ALPL: variants seen among roughly 807,000 people sequenced by gnomAD.
ALPL encodes the protein alkaline phosphatase, biomineralization associated, also known as alkaline phosphatase, tissue-nonspecific isozyme.
ALPL carries 42 observed loss-of-function variants against 51.3 expected under a neutral mutation model. The observed-to-expected ratio is 0.82, with a 90% confidence interval of 0.64 to 1.06. The LOEUF (loss-of-function observed/expected upper bound fraction) is 1.06. Among genes scored for constraint, ALPL ranks in the 50% least tolerant of loss-of-function variants. ALPL has a pLI of 0.00. For missense variants in ALPL, 589 were observed against 709.4 expected (o/e 0.83, Z 1.93); for synonymous variants, 279 against 296.4 (o/e 0.94, Z 0.60).
At chr1:21,519,222 G>A (rs1643856100) in intron 1 of ALPL, among the ~76,000 whole-genome samples, 1 of 152,122 alleles carries the variant, frequency 6.6e-6, no homozygotes, top group African/African-American at 2.4e-5. Flanking sequence ...CTCTCCCTTG[G>A]GACTGAACAT....
At chr1:21,576,218 T>TGGATG (rs1553414697) in intron 10 of ALPL, among the ~76,000 whole-genome samples, 1 of 142,402 alleles carries the variant, frequency 7.0e-6, no homozygotes, top group Non-Finnish European at 1.6e-5. Flanking sequence ...GATGGATGGA[T>TGGATG]GATGGATGGA....
At position 21,576,578 on chromosome 1, in the gene ALPL, G is replaced by T; in HGVS notation, c.1246G>T (p.Gly416Cys). ...DKKPFTAILYGNGPGYKVVGG... is the reference protein window; with the variant it reads ...DKKPFTAILYCNGPGYKVVGG... ...GAAGCCCTTCACTGCCATCCTGTAT[G>T]GCAATGGGCCTGGCTACAAGGTGGT... Residue 416 changes from glycine to cysteine, a missense_variant, in exon 11 of 12, where the codon GGC (glycine) becomes TGC (cysteine). Coordinates refer to ENST00000374840, the MANE Select transcript of ALPL (RefSeq NM_000478.6). 1 of 1,613,980 alleles carries T rather than the reference G, an allele frequency of 6.2e-7. No individual in the cohort carries two copies. Among genetic ancestry groups the T allele is most frequent in the South Asian group, 1.1e-5 (1 of 91,066 alleles).
At chr1:21,516,741 C>T (rs1057428371) in intron 1 of ALPL, among the ~76,000 whole-genome samples, 1 of 152,240 alleles carries the variant, frequency 6.6e-6, no homozygotes, top group Non-Finnish European at 1.5e-5. Flanking sequence ...GTTAGCCTAT[C>T]AAGATATCAG....
At chr1:21,575,076 C>A (rs1479341516) in intron 9 of ALPL, among the ~76,000 whole-genome samples, 1 of 152,198 alleles carries the variant, frequency 6.6e-6, no homozygotes, top group South Asian at 2.1e-4. Context: ...GTTCAGGCTT[C>A]GGCAGGGCTT....
rs1644734808 is a variant in ALPL, at chr1:21,576,275, ATGGATGGATGG to A, written c.1190-246_1190-236del. ...GGATGATGGATGGATGGATGGGTGG[ATGGATGGATGG>A]GTGGATGGATGGATGGATGGGTGGA... is the stretch of plus-strand genomic sequence containing the variant. On this transcript the variant is annotated intron_variant, in intron 10 of 11. Transcript: ENST00000374840. Among the ~76,000 whole-genome samples, 4 of 147,264 alleles carry A rather than the reference ATGGATGGATGG, an allele frequency of 2.7e-5. No individual in the cohort carries two copies. The South Asian group carries it at 8.8e-4, about 32-fold the overall frequency.
intron 2 of ALPL, among the ~76,000 whole-genome samples, chr1:21,556,871 G>T (rs776514180): frequency 6.6e-6 from 1 of 152,118 alleles, no homozygotes; most frequent in Non-Finnish European, 1.5e-5. Context: ...CCCAGGAGGC[G>T]GAGGTTGCAG....
At chr1:21,514,741 A>G (rs1279050181) in intron 1 of ALPL, among the ~76,000 whole-genome samples, 1 of 152,076 alleles carries the variant, frequency 6.6e-6, no homozygotes, top group Non-Finnish European at 1.5e-5. Flanking sequence ...TGGTCCTTAC[A>G]CCTGCAGACG....
At chr1:21,509,356 G>A (rs1338256047), upstream of ALPL, 1 of 146,012 alleles carries the variant, frequency 6.8e-6, no homozygotes, top group African/African-American at 2.5e-5. The surrounding 1 kb of genome is among the most constrained non-coding windows in gnomAD (Gnocchi z 6.0). Flanking sequence ...GGGGGAGGGG[G>A]CGGGCTGCCC....
intron 1 of ALPL, among the ~76,000 whole-genome samples, chr1:21,535,725 C>G (rs1644097544): frequency 1.3e-5 from 2 of 152,138 alleles, no homozygotes; most frequent in African/African-American, 4.8e-5. Context: ...TTCTCGTTTT[C>G]TTTAGCTTTT....
chr1:21,516,145 G>A (rs545963809), intron 1 of ALPL, among the ~76,000 whole-genome samples: 1 of 152,318 alleles, frequency 6.6e-6, no homozygotes, highest in South Asian at 2.1e-4. Flanking sequence ...CTCCCAAAGT[G>A]CTGGGATTAC....
At chr1:21,566,534 G>A (rs554172055) in intron 6 of ALPL, among the ~76,000 whole-genome samples, 2 of 150,942 alleles carry the variant, frequency 1.3e-5, no homozygotes, top group Admixed American at 6.6e-5. Flanking sequence ...CAGGTGATCC[G>A]CCCGTTTTGG....
At position 21,568,112 on chromosome 1, in the gene ALPL, G is replaced by T. The variant is rs776117933; in HGVS notation, c.657G>T (p.Met219Ile). 9.3e-6 allele frequency: 15 copies of T among 1,614,000 alleles called. No homozygotes were observed. Among genetic ancestry groups the T allele is most frequent in the African/African-American group, 1.3e-5 (1 of 75,020 alleles). Residue 219 changes from methionine (M) to isoleucine (I), a missense_variant, in exon 7 of 12, where the codon ATG (methionine) becomes ATT (isoleucine). Transcript: ENST00000374840. ...MHNIRDIDVI[M>I]GGGRKYMYPK... ...GCTCCTGTCTCTTTTAGGTGATCAT[G>T]GGGGGTGGCCGGAAATACATGTACC...
chr1:21,522,810 G>T (rs1275563806), intron 1 of ALPL, among the ~76,000 whole-genome samples: 1 of 152,172 alleles, frequency 6.6e-6, no homozygotes, highest in Non-Finnish European at 1.5e-5. Context: ...GTGCTGGGGG[G>T]ACTTTAGAGA....
In ALPL at chr1:21,560,731, T is replaced by C. The variant is rs1288112235; in HGVS notation, c.167T>C (p.Met56Thr). Residue 56 changes from methionine to threonine, a missense_variant, in exon 3 of 12, where the codon ATG becomes ACG. Coordinates refer to ENST00000374840, the MANE Select transcript of ALPL (RefSeq NM_000478.6). Reference sequence around the variant, plus strand: ...ACCAACGTGGCTAAGAATGTCATCATGTTCCTGGGAGATGGTGAGGCCCAG... The same window carrying C: ...ACCAACGTGGCTAAGAATGTCATCACGTTCCTGGGAGATGGTGAGGCCCAG... ...LNTNVAKNVI[M>T]FLGDGMGVST... 4 of 1,614,150 alleles carry C rather than the reference T, an allele frequency of 2.5e-6. No individual in the cohort carries two copies. Among genetic ancestry groups the C allele is most frequent in the Non-Finnish European group, 3.4e-6 (4 of 1,180,028 alleles).
chr1:21,550,537 T>C (rs1246617043), intron 1 of ALPL, among the ~76,000 whole-genome samples: 1 of 152,204 alleles, frequency 6.6e-6, no homozygotes, highest in Non-Finnish European at 1.5e-5. Context: ...ATTGTTCATG[T>C]AAGCTCCCAA....
chr1:21,555,136 G>A (rs1456638986), intron 2 of ALPL, among the ~76,000 whole-genome samples: 2 of 151,360 alleles, frequency 1.3e-5, no homozygotes, highest in African/African-American at 4.9e-5. Context: ...AGTCAAAGGG[G>A]GGTTCTCTGG....
intron 8 of ALPL, 35 bp from the exon 9 acceptor site, chr1:21,573,628 CCT>C (rs759917211): frequency 6.2e-7 from 1 of 1,611,310 alleles, no homozygotes; most frequent in Non-Finnish European, 8.5e-7. Context: ...CGGGTCACAG[CCT>C]CTCAGCATCC....
rs1429558215 is a variant in ALPL, at chr1:21,542,439, C to T, written c.-104-11539C>T. The stretch of plus-strand genomic sequence containing the variant: ...GTCTGCTTATAGTGGTTCCTCTCAC[C>T]GGGCAAGGCTTTCCTCCTCTTTAGG... On this transcript the variant is annotated intron_variant, in intron 1 of 11. Transcript: ENST00000374840. 3.9e-5 allele frequency among the ~76,000 whole-genome samples: 6 copies of T among 152,312 alleles called. No homozygotes were observed. The South Asian group carries it at 6.2e-4, about 16-fold the overall frequency.
chr1:21,526,828 A>T (rs1296514445), intron 1 of ALPL, among the ~76,000 whole-genome samples: 1 of 152,080 alleles, frequency 6.6e-6, no homozygotes, highest in African/African-American at 2.4e-5. Context: ...TCACTTTAAA[A>T]AATTATCTGT....
Sources: gnomAD v4.1 joint callset for allele counts (sites outside exome capture counted in the v4.1 genomes callset) on GRCh38, gnomAD v4.1.1 for gene constraint, Gnocchi (gnomAD v3.1) non-coding constraint, MANE v1.5 for transcripts, NCBI Gene and HGNC (gene_info 2026-07-23, HGNC 2026-07-21) for gene names.